The following KCNK2 variants were observed in gnomAD, a reference collection of about 807,000 sequenced individuals.
KCNK2 encodes the protein potassium two pore domain channel subfamily K member 2.
KCNK2 carries 21 observed loss-of-function variants against 40.5 expected under a neutral mutation model. The ratio of observed to expected loss-of-function variants is 0.52; its 90% CI spans 0.37 to 0.75. KCNK2 has a LOEUF of 0.75. Ranked by LOEUF, KCNK2 falls within the 30% of genes least tolerant of loss-of-function variation. KCNK2 has a pLI of 0.00. For missense variants in KCNK2, 399 were observed against 531.6 expected (o/e 0.75, Z 2.45); for synonymous variants, 191 against 202.2 (o/e 0.94, Z 0.47).
intron 6 of KCNK2, among the ~76,000 whole-genome samples, chr1:215,223,584 A>G (rs942120398): frequency 6.6e-6 from 1 of 152,144 alleles, no homozygotes; most frequent in Non-Finnish European, 1.5e-5. Context: ...AGTCAAAGGA[A>G]TGCATGGTGG....
intron 1 of KCNK2, among the ~76,000 whole-genome samples, chr1:215,053,120 T>C (rs190578637): frequency 1.3e-5 from 2 of 152,296 alleles, no homozygotes; most frequent in African/African-American, 2.4e-5. Flanking sequence ...CCAGGATATA[T>C]GTGCAGGACG....
chr1:215,023,006 G>C (rs1656861770), intron 1 of KCNK2, among the ~76,000 whole-genome samples: 1 of 152,156 alleles, frequency 6.6e-6, no homozygotes, highest in Admixed American at 6.5e-5. Context: ...AAACAACTCA[G>C]TGATACAATA....
At chr1:215,050,062 G>C (rs887120890) in intron 1 of KCNK2, among the ~76,000 whole-genome samples, 1 of 152,100 alleles carries the variant, frequency 6.6e-6, no homozygotes, top group Non-Finnish European at 1.5e-5. Flanking sequence ...ATTTTGATAA[G>C]AGTTGTATTA....
At chr1:215,056,499 C>CA (rs376076606) in intron 1 of KCNK2, among the ~76,000 whole-genome samples, 26,165 of 55,060 alleles carry the variant, frequency 0.48, 6,884 homozygotes, top group Non-Finnish European at 0.59. Flanking sequence ...GACTCAGTCT[C>CA]AAAAAAAAAA....
chr1:215,072,352 C>T (rs997838758), intron 1 of KCNK2, among the ~76,000 whole-genome samples: 4 of 152,200 alleles, frequency 2.6e-5, no homozygotes, highest in African/African-American at 9.7e-5. Flanking sequence ...CAAGTTATGT[C>T]TTAGATGGTG....
intron 1 of KCNK2, among the ~76,000 whole-genome samples, chr1:215,054,665 A>G (rs1364056454): frequency 6.6e-6 from 1 of 152,142 alleles, no homozygotes; most frequent in East Asian, 1.9e-4. Context: ...GTATTTTTCT[A>G]TAAATAACAA....
chr1:215,007,061 G>A (rs3001444), intron 1 of KCNK2, among the ~76,000 whole-genome samples: 4,831 of 63,738 alleles, frequency 0.076, 345 homozygotes, highest in African/African-American at 0.23. Context: ...ATATATATAT[G>A]TGTGTGTGTG....
chr1:215,012,635 C>G (rs1395754094), intron 1 of KCNK2, among the ~76,000 whole-genome samples: 1 of 139,272 alleles, frequency 7.2e-6, no homozygotes, highest in Non-Finnish European at 1.5e-5. Flanking sequence ...CCACACCCAG[C>G]TAATTTTTTA....
rs185138518 is a variant in KCNK2, at chr1:215,018,207, G to C, written c.34+12252G>C. Among the ~76,000 whole-genome samples, 675 of 152,248 alleles carry C rather than the reference G, an allele frequency of 4.4e-3. 5 individuals carry two copies. The highest frequency in any genetic ancestry group is 0.016 in the African/African-American group (648 of 41,552). On this transcript the variant is annotated intron_variant, in intron 1 of 6. Transcript: ENST00000391895. ...AAAATAAATCTTCAGTATTAAAATT[G>C]TGGTTTTGATTGCGAATGAGAATCT...
At chr1:215,008,481 C>T (rs950546787) in intron 1 of KCNK2, among the ~76,000 whole-genome samples, 2 of 151,980 alleles carry the variant, frequency 1.3e-5, no homozygotes, top group Non-Finnish European at 2.9e-5. Flanking sequence ...AATTCCAGAC[C>T]CCCTACTTAT....
At chr1:215,086,810 T>G (rs1571895725) in intron 2 of KCNK2, 132 bp downstream of exon 2, 1 of 709,532 alleles carries the variant, frequency 1.4e-6, no homozygotes, top group South Asian at 1.8e-5. Flanking sequence ...TGCCTTAACA[T>G]ATAGCTCTTT....
chr1:215,124,305 G>T (rs1052027661), intron 2 of KCNK2, among the ~76,000 whole-genome samples: 8 of 152,092 alleles, frequency 5.3e-5, no homozygotes, highest in African/African-American at 1.9e-4. Flanking sequence ...TGCTGTGGTG[G>T]TTACTGGAGG....
chr1:215,097,617 G>T (rs1392096587), intron 2 of KCNK2, among the ~76,000 whole-genome samples: 2 of 152,004 alleles, frequency 1.3e-5, no homozygotes, highest in Non-Finnish European at 2.9e-5. Context: ...TTCTCTAATG[G>T]TTAGTAGCAG....
At chr1:215,096,103 T>C (rs1659965990) in intron 2 of KCNK2, among the ~76,000 whole-genome samples, 1 of 152,032 alleles carries the variant, frequency 6.6e-6, no homozygotes, top group South Asian at 2.1e-4. Flanking sequence ...GTAATAATAG[T>C]TTTTTGTTGC....
At chr1:215,098,344 T>C (rs938271705) in intron 2 of KCNK2, among the ~76,000 whole-genome samples, 4 of 151,938 alleles carry the variant, frequency 2.6e-5, no homozygotes, top group Non-Finnish European at 5.9e-5. Flanking sequence ...AGAGTCATGG[T>C]GACTCTTGAG....
chr1:215,082,621 C>CCTCTTTAG (rs1659210525), upstream of KCNK2, among the ~76,000 whole-genome samples: 1 of 151,882 alleles, frequency 6.6e-6, no homozygotes. Context: ...TAGAAGGGAG[C>CCTCTTTAG]ATCTTGCAGG....
intron 5 of KCNK2, among the ~76,000 whole-genome samples, chr1:215,185,032 A>T (rs1305696337): frequency 6.6e-6 from 1 of 152,160 alleles, no homozygotes; most frequent in African/African-American, 2.4e-5. Flanking sequence ...GTATCATAGG[A>T]GAATAGGAGA....
chr1:215,054,818 C>A (rs1406359678), intron 1 of KCNK2, among the ~76,000 whole-genome samples: 1 of 152,186 alleles, frequency 6.6e-6, no homozygotes, highest in Non-Finnish European at 1.5e-5. Flanking sequence ...CTTCTCAGTG[C>A]ATGTGTACTT....
intron 2 of KCNK2, among the ~76,000 whole-genome samples, chr1:215,087,794 G>A (rs1400998701): frequency 6.6e-6 from 1 of 152,084 alleles, no homozygotes; most frequent in African/African-American, 2.4e-5. Context: ...TTTGTTTGAG[G>A]ACCCTTTCTC....
Sources: allele counts gnomAD v4.1 joint callset (sites outside exome capture counted in the v4.1 genomes callset), GRCh38; gene constraint gnomAD v4.1.1; transcripts MANE v1.5; gene names NCBI Gene and HGNC (gene_info 2026-07-23, HGNC 2026-07-21).